Variants in PARP6 observed in about 807,000 individuals in gnomAD.
The protein encoded by PARP6 is protein mono-ADP-ribosyltransferase PARP6.
A neutral mutation model predicts 92.0 loss-of-function variants in PARP6; 27 were observed. That is an observed-to-expected ratio of 0.29 (90% CI 0.22 to 0.40). The LOEUF (loss-of-function observed/expected upper bound fraction) is 0.40. Ranked by LOEUF, PARP6 falls within the 10% of genes least tolerant of loss-of-function variation. The pLI is 1.00. For synonymous variants in PARP6, 272 were observed against 281.2 expected, an observed-to-expected ratio of 0.97 and a Z score of 0.33; for missense variants, 501 against 784.5, an observed-to-expected ratio of 0.64 and a Z score of 4.32.
intron 15 of PARP6, chr15:72,254,212 C>T (rs965000572): frequency 5.4e-5 from 30 of 560,292 alleles, no homozygotes; most frequent in Admixed American, 1.9e-4. Context: ...TAAATATGAA[C>T]AACTTGTAAA....
intron 16 of PARP6, among the ~76,000 whole-genome samples, chr15:72,252,588 C>T (rs779853314): frequency 2.0e-5 from 3 of 151,940 alleles, no homozygotes; most frequent in Non-Finnish European, 2.9e-5. Context: ...CGGGTTCAAG[C>T]GATTCTCCTG....
Position 72,241,438 on chromosome 15 carries a change from C to T in PARP6, c.*17G>A, listed in dbSNP as rs140202465. The T allele has an allele frequency of 3.1e-3, 4,948 of 1,577,606 alleles. 20 individuals are homozygous for T. The highest frequency in any genetic ancestry group is 0.016 in the Middle Eastern group (96 of 5,998). On this transcript the variant is annotated 3_prime_UTR_variant, in exon 24 of 24. Coordinates refer to ENST00000569795, the MANE Select transcript of PARP6 (RefSeq NM_001323532.2). This position sits in a 1 kb window ranked among gnomAD's most constrained non-coding sequence, Gnocchi z 4.1. ...GGATCCTGGGGTAACAGGGGTGGTACGAGGGCTGGGGCCCCCTCAGTTTGT... is the reference window on the plus strand; with the variant it reads ...GGATCCTGGGGTAACAGGGGTGGTATGAGGGCTGGGGCCCCCTCAGTTTGT...
chr15:72,254,485 A>G lies in PARP6; in HGVS notation c.1161T>C (p.Asp387=). 2 of 1,613,674 alleles carry G rather than the reference A, an allele frequency of 1.2e-6. No homozygotes were observed. ...KNYERLQKAL[D]SVMSIREMTQ... ...TCATCTCCCGAATAGACATCACACT[A>G]TCCAGAGCTTTCTGAAGCCGCTCAT... The change falls in exon 15 of 24, where the codon GAT becomes GAC. Residue 387 remains aspartate, a synonymous_variant. Coordinates refer to ENST00000569795, the MANE Select transcript of PARP6 (RefSeq NM_001323532.2).
chr15:72,251,663 T>C (rs2084372950), intron 16 of PARP6, among the ~76,000 whole-genome samples: 1 of 152,192 alleles, frequency 6.6e-6, no homozygotes, highest in African/African-American at 2.4e-5. Flanking sequence ...AGACTCAGAT[T>C]CAGACCTGGG....
chr15:72,244,670 T>C (rs760913921), intron 20 of PARP6: 7 of 152,174 alleles, frequency 4.6e-5, no homozygotes, highest in Admixed American at 6.5e-5. Context: ...TACAAGACAG[T>C]TGGTCAAATG....
chr15:72,263,572 G>A (rs574796588), intron 8 of PARP6, among the ~76,000 whole-genome samples: 8 of 152,200 alleles, frequency 5.3e-5, no homozygotes, highest in Non-Finnish European at 1.0e-4. Context: ...CCTATTCTCT[G>A]GCTTTGGCTC....
In PARP6 at chr15:72,242,796, G is replaced by C; in HGVS notation, c.1562-97C>G. The C allele has an allele frequency of 7.0e-6, 5 of 711,022 alleles. No individual in the cohort carries two copies. Among genetic ancestry groups the C allele is most frequent in the Non-Finnish European group, 1.2e-5 (5 of 410,848 alleles). The allele number at this position is 711,022 out of a possible 1,614,324, so 44.0% of individuals were successfully genotyped here. A position where few individuals can be genotyped will look rare whatever the true frequency, so the allele number is the denominator to read the frequency against. On this transcript the variant is annotated intron_variant, in intron 20 of 23. Transcript: ENST00000569795. The surrounding 1 kb of genome is among the most constrained non-coding windows in gnomAD (Gnocchi z 4.3). ...GCTAGATGCTCATCAAAACAGCAGA[G>C]AATAAAACAAAGAAGATTATTTTCC...
intron 20 of PARP6, among the ~76,000 whole-genome samples, chr15:72,248,247 G>A (rs1185203304): frequency 2.0e-5 from 3 of 151,856 alleles, no homozygotes; most frequent in African/African-American, 7.2e-5. Context: ...TATTTCACAG[G>A]TGTTAGTTCT....
intron 11 of PARP6, 34 bp from the exon 12 acceptor site, chr15:72,258,166 G>A (rs369096757): frequency 1.4e-6 from 2 of 1,448,002 alleles, no homozygotes; most frequent in Admixed American, 3.3e-5. Context: ...TCTTTTGGAA[G>A]TACTGGCACA....
intron 9 of PARP6, 65 bp from the exon 10 acceptor site, chr15:72,260,753 GGAGATA>G: frequency 7.9e-7 from 1 of 1,259,930 alleles, no homozygotes; most frequent in Non-Finnish European, 1.2e-6. Context: ...GGAGGGGACT[GGAGATA>G]AGTGAGCCCT....
chr15:72,243,641 T>C (rs988852371), intron 20 of PARP6: 2 of 152,224 alleles, frequency 1.3e-5, no homozygotes, highest in Non-Finnish European at 2.9e-5. Flanking sequence ...AAAATGTGCT[T>C]GTGTGCTCCC....
rs932544328 is a variant in PARP6 at position 72,242,580 on chromosome 15, C to T, written c.1641+40G>A. 2.9e-6 allele frequency: 4 copies of T among 1,357,560 alleles called. No homozygotes were observed. The African/African-American group carries it at 4.3e-5, about 15-fold the overall frequency. The allele number at this position is 1,357,560 out of a possible 1,614,324, so 84.1% of individuals were successfully genotyped here. Reference sequence around the variant, plus strand: ...GTCCAGCTCTGGAGCCTAAATTAGCCCCAGGGAAAGGTCCTGCCTCATTAG... The same window carrying T: ...GTCCAGCTCTGGAGCCTAAATTAGCTCCAGGGAAAGGTCCTGCCTCATTAG... On this transcript the variant is annotated intron_variant, in intron 21 of 23. Transcript: ENST00000569795. This position sits in a 1 kb window ranked among gnomAD's most constrained non-coding sequence, Gnocchi z 4.3.
chr15:72,256,645 G>A, intron 13 of PARP6, 55 bp from the exon 14 acceptor site: 1 of 1,388,280 alleles, frequency 7.2e-7, no homozygotes, highest in Non-Finnish European at 9.5e-7. Flanking sequence ...CCAGTACTGG[G>A]AGTCAGAGTA....
chr15:72,268,692 T>TC (rs1412856485), intron 2 of PARP6, among the ~76,000 whole-genome samples: 1 of 152,088 alleles, frequency 6.6e-6, no homozygotes, highest in Admixed American at 6.5e-5. Context: ...GAGCAAAAAC[T>TC]CCATCTCAAA....
chr15:72,251,156 C>T, intron 17 of PARP6, 51 bp downstream of exon 17: 1 of 1,275,100 alleles, frequency 7.8e-7, no homozygotes, highest in Admixed American at 1.7e-5. Flanking sequence ...CCAGCCCCTC[C>T]CTGCCCCTCA....
rs773022144 is a variant in PARP6 at position 72,259,660 on chromosome 15, A to G, written c.758T>C (p.Val253Ala). Reference sequence around the variant, plus strand: ...GGGAATGTTCTTGCAGTGACCACTGACCTGGTGAGAGTAAAAAGACAGACC... The same window carrying G: ...GGGAATGTTCTTGCAGTGACCACTGGCCTGGTGAGAGTAAAAAGACAGACC... ...LPPPARTSPL[V>A]SGHCKNIPTL... Residue 253 changes from valine (V) to alanine (A), a missense_variant and splice_region_variant, in exon 11 of 24, where the codon GTC becomes GCC. Physicochemically the swap from Val to Ala is moderately conservative, Grantham distance 64. Transcript: ENST00000569795. The G allele has an allele frequency of 3.0e-5, 48 of 1,613,802 alleles. No homozygotes were observed. Among genetic ancestry groups the G allele is most frequent in the Non-Finnish European group, 4.1e-5 (48 of 1,179,832 alleles).
intron 14 of PARP6, among the ~76,000 whole-genome samples, chr15:72,255,107 T>A (rs2084893388): frequency 6.6e-6 from 1 of 150,900 alleles, no homozygotes; most frequent in South Asian, 2.1e-4. Context: ...GTTTGTAGAG[T>A]TTGTAGGTAT....
chr15:72,259,974 T>A (rs1045542501), intron 10 of PARP6, among the ~76,000 whole-genome samples: 1 of 152,232 alleles, frequency 6.6e-6, no homozygotes, highest in Non-Finnish European at 1.5e-5. Flanking sequence ...CTGTGCTTCA[T>A]GGCCTATCAG....
chr15:72,266,051 G>T, intron 4 of PARP6, 60 bp from the exon 5 acceptor site: 1 of 1,128,280 alleles, frequency 8.9e-7, no homozygotes, highest in Non-Finnish European at 1.3e-6. Flanking sequence ...GAAAGAGAGA[G>T]ATAATAAAAA....
Sources: gnomAD v4.1 joint callset for allele counts (sites outside exome capture counted in the v4.1 genomes callset) on GRCh38, gnomAD v4.1.1 for gene constraint, Gnocchi (gnomAD v3.1) non-coding constraint, MANE v1.5 for transcripts, NCBI Gene and HGNC (gene_info 2026-07-23, HGNC 2026-07-21) for gene names.